The following RBP7 variants were observed in gnomAD, a reference collection of about 807,000 sequenced individuals.
The protein encoded by RBP7 is retinol binding protein 7, also known as retinoid-binding protein 7.
A neutral mutation model predicts 16.7 loss-of-function variants in RBP7; 13 were observed. That is an observed-to-expected ratio of 0.78 (90% CI 0.51 to 1.24). The LOEUF is 1.24. Among genes scored for constraint, RBP7 ranks in the 50% most tolerant of loss-of-function variants. The probability of loss-of-function intolerance (pLI) is 0.00; values close to 1 mark genes in which losing one functional copy is unlikely to be tolerated. For missense variants in RBP7, 145 were observed against 159.5 expected (o/e 0.91, Z 0.49); for synonymous variants, 54 against 56.2 (o/e 0.96, Z 0.17).
chr1:10,007,031 C>T (rs1324478656), intron 1 of RBP7: 2 of 385,468 alleles, frequency 5.2e-6, no homozygotes, highest in African/African-American at 4.4e-5. Flanking sequence ...ACTGCAACCT[C>T]CGCCTCCTGG....
At position 10,007,779 on chromosome 1, in the gene RBP7, G is replaced by C. The variant is rs748671312; in HGVS notation, c.252+31G>C. 4.4e-6 allele frequency: 7 copies of C among 1,600,858 alleles called. No homozygotes were observed. The Admixed American group carries it at 1.2e-4, about 28-fold the overall frequency. ...ATGTAAAGAAATGCCAGGTGCGGTG[G>C]ATTACGCTTGTAATCCTAACACTTT... On this transcript the variant is annotated intron_variant, in intron 2 of 3. Transcript: ENST00000294435.
chr1:10,007,444 CAAA>C, intron 1 of RBP7, 123 bp from the exon 2 acceptor site: 1 of 741,804 alleles, frequency 1.3e-6, no homozygotes, highest in Non-Finnish European at 2.2e-6. Context: ...ATTTTGGCAG[CAAA>C]CAACATAGAA....
intron 1 of RBP7, among the ~76,000 whole-genome samples, chr1:9,999,561 A>G (rs1172245531): frequency 6.6e-6 from 1 of 151,874 alleles, no homozygotes; most frequent in Non-Finnish European, 1.5e-5. Flanking sequence ...CTAAAATAAT[A>G]ATAATAATAA....
chr1:10,003,849 G>A (rs996591406), intron 1 of RBP7, among the ~76,000 whole-genome samples: 2 of 151,826 alleles, frequency 1.3e-5, no homozygotes, highest in African/African-American at 4.8e-5. Context: ...TCCACCTCCC[G>A]GGTTCAAGAG....
At position 10,007,507 on chromosome 1, in the gene RBP7, A is replaced by G. The variant is rs1570732789; in HGVS notation, c.74-63A>G. On this transcript the variant is annotated intron_variant, in intron 1 of 3. Transcript: ENST00000294435. ...ACATGTGGTGATTTTGAGAACAGCT[A>G]CCAAATTCTTCACTTTTGTATCTCA... 4.2e-5 allele frequency: 51 copies of G among 1,217,820 alleles called. No homozygotes were observed. In the East Asian group the frequency reaches 1.3e-3, roughly 31 times the overall value. 75.4% of individuals were successfully genotyped at this position (1,217,820 alleles called of 1,614,324 possible). A position where few individuals can be genotyped will look rare whatever the true frequency, so the allele number is the denominator to read the frequency against.
intron 1 of RBP7, among the ~76,000 whole-genome samples, chr1:10,000,500 C>T (rs1305478832): frequency 6.6e-6 from 1 of 151,686 alleles, no homozygotes; most frequent in Non-Finnish European, 1.5e-5. Context: ...CGACACTGCA[C>T]TCTAGCCTGG....
chr1:10,005,570 T>G (rs923347115), intron 1 of RBP7, among the ~76,000 whole-genome samples: 90 of 149,448 alleles, frequency 6.0e-4, no homozygotes, highest in Non-Finnish European at 1.1e-3. Context: ...TTGTTTGGGT[T>G]TTTTTTTTTT....
At chr1:10,000,465 T>C (rs1186580347) in intron 1 of RBP7, among the ~76,000 whole-genome samples, 1 of 151,012 alleles carries the variant, frequency 6.6e-6, no homozygotes, top group African/African-American at 2.4e-5. Flanking sequence ...ACCTGAGAGG[T>C]GGAGGTTGCA....
At chr1:10,007,240 C>T in intron 1 of RBP7, 1 of 285,206 alleles carries the variant, frequency 3.5e-6, no homozygotes, top group Non-Finnish European at 6.8e-6. Context: ...AGCCACTGCA[C>T]CTGGCCTACA....
intron 1 of RBP7, among the ~76,000 whole-genome samples, chr1:9,998,690 G>C (rs1439041390): frequency 6.6e-6 from 1 of 152,188 alleles, no homozygotes; most frequent in East Asian, 1.9e-4. Flanking sequence ...TTACAGGCGT[G>C]AGGCACCGCA....
chr1:10,015,902 C>A lies in RBP7; in HGVS notation c.*70C>A. On this transcript the variant is annotated 3_prime_UTR_variant, in exon 4 of 4. Coordinates refer to ENST00000294435, the MANE Select transcript of RBP7 (RefSeq NM_052960.3). The stretch of plus-strand genomic sequence containing the variant: ...CAAATTATATTGCAGACTGAACAGA[C>A]GTTTATCTATCCCATTTGGCGACGA... The A allele has an allele frequency of 7.0e-7, 1 of 1,438,494 alleles. No homozygotes were observed. The highest frequency in any genetic ancestry group is 2.3e-5 in the East Asian group (1 of 44,016). 89.1% of individuals were successfully genotyped at this position (1,438,494 alleles called of 1,614,324 possible).
Position 9,997,463 on chromosome 1 carries a change from G to C in RBP7, c.73+132G>C. 1 of 824,420 alleles carries C rather than the reference G, an allele frequency of 1.2e-6. No homozygotes were observed. The highest frequency in any genetic ancestry group is 1.9e-6 in the Non-Finnish European group (1 of 526,438). 51.1% of individuals were successfully genotyped at this position (824,420 alleles called of 1,614,324 possible). A position where few individuals can be genotyped will look rare whatever the true frequency, so the allele number is the denominator to read the frequency against. ...GCCCTGCTGCGCCCACCGTCGCCCA[G>C]TCGCCCCCGAGTCCGCTGGTCCTTG... On this transcript the variant is annotated intron_variant, in intron 1 of 3. Transcript: ENST00000294435. This position sits in a 1 kb window ranked among gnomAD's most constrained non-coding sequence, Gnocchi z 5.9.
intron 1 of RBP7, among the ~76,000 whole-genome samples, chr1:10,000,739 T>G (rs1442626199): frequency 2.0e-5 from 3 of 151,976 alleles, no homozygotes; most frequent in African/African-American, 7.2e-5. Flanking sequence ...CGCCTCTTTT[T>G]TTGTTGTTGT....
At chr1:10,000,555 CA>C (rs112965091) in intron 1 of RBP7, among the ~76,000 whole-genome samples, 4,239 of 137,436 alleles carry the variant, frequency 0.031, 72 homozygotes, top group African/African-American at 0.044. Flanking sequence ...GTCAATAAGA[CA>C]AAAAAAAAAA....
chr1:10,000,425 T>C (rs555559827), intron 1 of RBP7, among the ~76,000 whole-genome samples: 3 of 151,750 alleles, frequency 2.0e-5, no homozygotes, highest in Non-Finnish European at 4.4e-5. Flanking sequence ...TCCCAGCTAA[T>C]TGGGAGGCTG....
intron 1 of RBP7, chr1:10,004,065 AT>A (rs56955055): frequency 0.8 from 66,412 of 83,184 alleles, 26,853 homozygotes; most frequent in Admixed American, 0.88. Flanking sequence ...CTGCCTCACA[AT>A]TTTTTTTTTT....
intron 1 of RBP7, among the ~76,000 whole-genome samples, chr1:10,003,678 C>T (rs571513597): frequency 9.8e-5 from 15 of 152,326 alleles, no homozygotes; most frequent in South Asian, 4.1e-4. Context: ...GGCTAATCCC[C>T]GCTCTGGGGC....
chr1:10,005,176 C>T (rs1642407136), intron 1 of RBP7, among the ~76,000 whole-genome samples: 1 of 152,130 alleles, frequency 6.6e-6, no homozygotes, highest in African/African-American at 2.4e-5. Context: ...GCATGTACCA[C>T]TATGCCCAGC....
At chr1:10,003,395 T>C (rs559704847) in intron 1 of RBP7, among the ~76,000 whole-genome samples, 1 of 152,250 alleles carries the variant, frequency 6.6e-6, no homozygotes, top group South Asian at 2.1e-4. Context: ...GCCATTGCAC[T>C]CCAGCCTGGG....
Sources: gnomAD v4.1 joint callset for allele counts (sites outside exome capture counted in the v4.1 genomes callset) on GRCh38, gnomAD v4.1.1 for gene constraint, Gnocchi (gnomAD v3.1) non-coding constraint, MANE v1.5 for transcripts, NCBI Gene and HGNC (gene_info 2026-07-23, HGNC 2026-07-21) for gene names.